FBXL13: variants seen among roughly 807,000 people sequenced by gnomAD.
FBXL13 encodes the protein F-box and leucine-rich repeat protein 13.
In FBXL13, 67 loss-of-function variants were observed where a neutral mutation model predicts 83.6. The ratio of observed to expected loss-of-function variants is 0.80; its 90% CI spans 0.66 to 0.98. FBXL13 has a LOEUF of 0.98. FBXL13 is among the 50% of genes least tolerant of loss of function. The probability of loss-of-function intolerance (pLI) is 0.00; values close to 1 mark genes in which losing one functional copy is unlikely to be tolerated. For synonymous variants in FBXL13, 272 were observed against 299.5 expected, an observed-to-expected ratio of 0.91 and a Z score of 0.95; for missense variants, 822 against 866.5, an observed-to-expected ratio of 0.95 and a Z score of 0.64.
At chr7:103,064,464 T>C (rs1428223461) in intron 1 of FBXL13, among the ~76,000 whole-genome samples, 3 of 152,080 alleles carry the variant, frequency 2.0e-5, no homozygotes, top group Non-Finnish European at 4.4e-5. Context: ...CTGGAGAACA[T>C]GGGAAAGGAA....
intron 2 of FBXL13, among the ~76,000 whole-genome samples, chr7:103,053,834 G>A (rs1797073513): frequency 6.6e-6 from 1 of 152,202 alleles, no homozygotes. Flanking sequence ...CCATGATGCA[G>A]ATCAAGTAGG....
At chr7:103,061,184 TTTTG>T in intron 1 of FBXL13, among the ~76,000 whole-genome samples, 1 of 152,012 alleles carries the variant, frequency 6.6e-6, no homozygotes, top group Admixed American at 6.5e-5. Context: ...GGTTTTTTTT[TTTTG>T]TTTTTTTCTT....
chr7:102,872,564 G>A (rs866833981), intron 16 of FBXL13, among the ~76,000 whole-genome samples: 6 of 152,134 alleles, frequency 3.9e-5, no homozygotes, highest in South Asian at 2.1e-4. Flanking sequence ...CAAATATGGC[G>A]GTGACTAAGG....
chr7:103,006,056 A>G (rs1790954763), intron 6 of FBXL13, among the ~76,000 whole-genome samples: 1 of 152,218 alleles, frequency 6.6e-6, no homozygotes, highest in Non-Finnish European at 1.5e-5. Flanking sequence ...GCAGCACAGT[A>G]TTGTGATCTC....
intron 4 of FBXL13, among the ~76,000 whole-genome samples, chr7:103,028,107 C>A (rs1794134897): frequency 6.6e-6 from 1 of 152,150 alleles, no homozygotes; most frequent in African/African-American, 2.4e-5. Flanking sequence ...AAGACAAGAG[C>A]TCTTGGAGGT....
intron 7 of FBXL13, 56 bp downstream of exon 8, chr7:102,967,966 G>A: frequency 7.4e-7 from 1 of 1,350,136 alleles, no homozygotes; most frequent in Non-Finnish European, 1.1e-6. Flanking sequence ...CTTCACAGCA[G>A]TCCATTCTCC....
chr7:102,972,151 T>A (rs556384466), intron 6 of FBXL13, among the ~76,000 whole-genome samples: 1 of 151,706 alleles, frequency 6.6e-6, no homozygotes, highest in Non-Finnish European at 1.5e-5. Flanking sequence ...ATGCAAATAA[T>A]AACAATGGGC....
intron 1 of FBXL13, among the ~76,000 whole-genome samples, chr7:103,063,484 T>C (rs895494224): frequency 2.3e-4 from 35 of 152,186 alleles, no homozygotes; most frequent in African/African-American, 7.7e-4. Context: ...CCATGGATAC[T>C]GAGGGATTAC....
chr7:103,056,700 C>T (rs1006726641), intron 1 of FBXL13, among the ~76,000 whole-genome samples: 1 of 152,142 alleles, frequency 6.6e-6, no homozygotes, highest in African/African-American at 2.4e-5. Flanking sequence ...TCAGGTGATC[C>T]GCCTGCCTCA....
At chr7:102,997,205 C>T (rs1451914456) in intron 6 of FBXL13, among the ~76,000 whole-genome samples, 1 of 152,074 alleles carries the variant, frequency 6.6e-6, no homozygotes, top group Non-Finnish European at 1.5e-5. Context: ...AATGAATGAC[C>T]GCGGAAAACA....
intron 17 of FBXL13, among the ~76,000 whole-genome samples, chr7:102,848,759 C>T (rs1011140208): frequency 3.3e-5 from 5 of 151,878 alleles, no homozygotes; most frequent in Non-Finnish European, 5.9e-5. Context: ...TTTGGGAGGC[C>T]AAGGCAGGTG....
intron 17 of FBXL13, chr7:102,834,742 T>C (rs534457333): frequency 5.3e-5 from 8 of 152,226 alleles, no homozygotes; most frequent in Admixed American, 1.3e-4. Flanking sequence ...AGATCTATTG[T>C]ATATGATGAC....
chr7:102,918,944 A>C (rs1816455255), intron 10 of FBXL13, among the ~76,000 whole-genome samples: 1 of 152,194 alleles, frequency 6.6e-6, no homozygotes, highest in Non-Finnish European at 1.5e-5. Context: ...ATCATAGTAC[A>C]GAATGCCTAA....
intron 8 of FBXL13, chr7:102,944,555 A>G (rs893506993): frequency 6.2e-7 from 1 of 1,613,338 alleles, no homozygotes; most frequent in South Asian, 1.1e-5. Context: ...GAAAAAAAAC[A>G]TAGAGATCAC....
Position 103,027,031 on chromosome 7 carries a change from C to T in FBXL13, c.327+418G>A, listed in dbSNP as rs577851819. On this transcript the variant is annotated intron_variant, in intron 5 of 19. Transcript: ENST00000313221. ...AATCCCGGCCAGACACGGTGGCTCA[C>T]GCCTGTAATCCCAGCACTTTAGGAG... 1.3e-4 allele frequency among the ~76,000 whole-genome samples: 20 copies of T among 152,226 alleles called. No individual in the cohort carries two copies. In the East Asian group the frequency reaches 3.1e-3, roughly 24 times the overall value.
At chr7:103,071,529 G>A (rs1798954855) in intron 1 of FBXL13, among the ~76,000 whole-genome samples, 3 of 149,884 alleles carry the variant, frequency 2.0e-5, no homozygotes, top group African/African-American at 7.4e-5. Context: ...GACTACAGGT[G>A]TGAGCCACTA....
intron 6 of FBXL13, among the ~76,000 whole-genome samples, chr7:103,022,751 G>T (rs1174922407): frequency 6.6e-6 from 1 of 152,036 alleles, no homozygotes; most frequent in Non-Finnish European, 1.5e-5. Flanking sequence ...TACCATTCTG[G>T]GCATAGAACT....
intron 1 of FBXL13, among the ~76,000 whole-genome samples, chr7:103,060,040 A>T (rs1480000510): frequency 1.0e-5 from 1 of 96,998 alleles, no homozygotes; most frequent in African/African-American, 4.6e-5. Context: ...ATATATATAT[A>T]TATATATATA....
intron 8 of FBXL13, among the ~76,000 whole-genome samples, chr7:102,958,083 A>G (rs1320274710): frequency 6.6e-6 from 1 of 152,194 alleles, no homozygotes; most frequent in Non-Finnish European, 1.5e-5. Flanking sequence ...AGACACATGC[A>G]CACATATGTT....
Sources: allele counts gnomAD v4.1 joint callset (sites outside exome capture counted in the v4.1 genomes callset), GRCh38; gene constraint gnomAD v4.1.1; transcripts MANE v1.5; gene names NCBI Gene and HGNC (gene_info 2026-07-23, HGNC 2026-07-21).